The following KIF6 variants were observed in gnomAD, a reference collection of about 807,000 sequenced individuals.
KIF6 encodes the protein kinesin family member 6.
A neutral mutation model predicts 112.7 loss-of-function variants in KIF6; 106 were observed. The observed-to-expected ratio is 0.94, with a 90% confidence interval of 0.80 to 1.11. The LOEUF (loss-of-function observed/expected upper bound fraction) is 1.11, where lower values mean the gene tolerates loss of function less well. Ranked by LOEUF, KIF6 falls within the 50% of genes least tolerant of loss-of-function variation. KIF6 has a pLI of 0.00. For synonymous variants in KIF6, 339 were observed against 339.9 expected (o/e 1.00, Z 0.03); for missense variants, 929 against 964.0 (o/e 0.96, Z 0.48).
At chr6:39,609,318 C>T (rs1783076031) in intron 6 of KIF6, among the ~76,000 whole-genome samples, 1 of 152,270 alleles carries the variant, frequency 6.6e-6, no homozygotes, top group South Asian at 2.1e-4. Context: ...CCGAGTGTTC[C>T]TTTCTCACCA....
At chr6:39,658,982 A>G (rs1287309704) in intron 3 of KIF6, among the ~76,000 whole-genome samples, 2 of 152,250 alleles carry the variant, frequency 1.3e-5, no homozygotes, top group Non-Finnish European at 2.9e-5. Context: ...TATCCTGGAC[A>G]GAGGAGAAAT....
chr6:39,524,151 A>AG (rs1777567808), intron 13 of KIF6, among the ~76,000 whole-genome samples: 1 of 128,892 alleles, frequency 7.8e-6, no homozygotes, highest in African/African-American at 3.6e-5. Flanking sequence ...TGTGTGTGTG[A>AG]AAGAGAGAGA....
chr6:39,411,521 G>A (rs920626616), intron 15 of KIF6, among the ~76,000 whole-genome samples: 2 of 152,154 alleles, frequency 1.3e-5, no homozygotes, highest in African/African-American at 4.8e-5. Flanking sequence ...GGTAGGAGTG[G>A]GATAAAATTA....
At chr6:39,677,507 T>TTTTATTTATTTA (rs70984138) in intron 3 of KIF6, among the ~76,000 whole-genome samples, 5,665 of 146,090 alleles carry the variant, frequency 0.039, 149 homozygotes, top group African/African-American at 0.063. Flanking sequence ...CTTCAGACAA[T>TTTTATTTATTTA]TTTATTTATT....
At chr6:39,438,912 G>A (rs1771736933) in intron 13 of KIF6, among the ~76,000 whole-genome samples, 1 of 152,136 alleles carries the variant, frequency 6.6e-6, no homozygotes. Flanking sequence ...CTATTTCTAT[G>A]TATAGACACA....
At chr6:39,722,861 TCAAA>T (rs1790299599) in intron 1 of KIF6, among the ~76,000 whole-genome samples, 1 of 152,140 alleles carries the variant, frequency 6.6e-6, no homozygotes, top group Admixed American at 6.5e-5. Context: ...TCCTGGAGGA[TCAAA>T]CAATCCACTC....
chr6:39,492,472 C>T (rs1388633986), intron 13 of KIF6, among the ~76,000 whole-genome samples: 2 of 152,186 alleles, frequency 1.3e-5, no homozygotes, highest in African/African-American at 2.4e-5. Flanking sequence ...ATACAGATCA[C>T]TTCTTACGGA....
intron 3 of KIF6, among the ~76,000 whole-genome samples, chr6:39,692,081 G>A (rs116349804): frequency 0.019 from 2,931 of 152,268 alleles, 87 homozygotes; most frequent in African/African-American, 0.067. Context: ...CGTGGGAGGC[G>A]GAGGTTGCAG....
chr6:39,569,417 GT>G (rs1348516121), intron 10 of KIF6, among the ~76,000 whole-genome samples: 1 of 152,136 alleles, frequency 6.6e-6, no homozygotes, highest in Admixed American at 6.5e-5. Context: ...ATATGAGATG[GT>G]TTTGAAAAAT....
intron 10 of KIF6, among the ~76,000 whole-genome samples, chr6:39,576,451 C>T (rs1316950506): frequency 3.3e-5 from 5 of 152,144 alleles, no homozygotes; most frequent in South Asian, 4.1e-4. Flanking sequence ...CTCAGTTTCC[C>T]CCTTCCCATC....
intron 14 of KIF6, among the ~76,000 whole-genome samples, chr6:39,430,394 A>G (rs1177387169): frequency 6.6e-6 from 1 of 152,220 alleles, no homozygotes; most frequent in Non-Finnish European, 1.5e-5. Context: ...CTCATGTGAC[A>G]TATGAGAGTT....
At chr6:39,607,583 CTTATTTAT>C (rs150368183) in intron 6 of KIF6, among the ~76,000 whole-genome samples, 14 of 151,502 alleles carry the variant, frequency 9.2e-5, no homozygotes, top group East Asian at 5.8e-4. Flanking sequence ...AAATGCTATT[CTTATTTAT>C]TTATTTATTT....
intron 3 of KIF6, among the ~76,000 whole-genome samples, chr6:39,703,079 C>CA (rs1301835715): frequency 2.4e-5 from 1 of 41,854 alleles, no homozygotes; most frequent in Non-Finnish European, 7.6e-5. Flanking sequence ...CCACCAACCC[C>CA]CCACCCCCAC....
At chr6:39,676,210 T>A (rs1359286084) in intron 3 of KIF6, among the ~76,000 whole-genome samples, 1 of 152,056 alleles carries the variant, frequency 6.6e-6, no homozygotes, top group Non-Finnish European at 1.5e-5. Context: ...ATAAAACACC[T>A]GCACAAAGTA....
chr6:39,648,219 C>T (rs185235035), intron 3 of KIF6, among the ~76,000 whole-genome samples: 7 of 67,982 alleles, frequency 1.0e-4, no homozygotes, highest in East Asian at 4.0e-4. Context: ...AGACGGGGGG[C>T]GGGCGGGGGG....
chr6:39,557,763 T>G (rs938911152), intron 10 of KIF6, among the ~76,000 whole-genome samples: 1 of 151,860 alleles, frequency 6.6e-6, no homozygotes, highest in Non-Finnish European at 1.5e-5. Flanking sequence ...GATGTACACA[T>G]ATACAGATAT....
chr6:39,337,168 CTTCCTTCTTTCT>C (rs1189922889), intron 22 of KIF6, among the ~76,000 whole-genome samples: 1,135 of 48,520 alleles, frequency 0.023, 64 homozygotes, highest in Middle Eastern at 0.056. Context: ...TCTTTCTTTC[CTTCCTTCTTTCT>C]TTCTTTCTTT....
At chr6:39,540,673 C>T (rs1284953275) in intron 12 of KIF6, among the ~76,000 whole-genome samples, 4 of 152,328 alleles carry the variant, frequency 2.6e-5, no homozygotes, top group Non-Finnish European at 5.9e-5. Context: ...GAAACCCACC[C>T]GGCTGGCAGA....
At chr6:39,397,395 C>G (rs534052982) in intron 15 of KIF6, among the ~76,000 whole-genome samples, 15 of 152,244 alleles carry the variant, frequency 9.9e-5, no homozygotes, top group African/African-American at 3.6e-4. Context: ...AACACCAGAG[C>G]TCTTTCTCCT....
Sources: allele counts gnomAD v4.1 joint callset (sites outside exome capture counted in the v4.1 genomes callset), GRCh38; gene constraint gnomAD v4.1.1; transcripts MANE v1.5; gene names NCBI Gene and HGNC (gene_info 2026-07-23, HGNC 2026-07-21).